The following AZIN2 variants were observed in gnomAD, a reference collection of about 807,000 sequenced individuals.
AZIN2 encodes antizyme inhibitor 2.
AZIN2 carries 28 observed loss-of-function variants against 47.8 expected under a neutral mutation model. The observed-to-expected ratio is 0.59, with a 90% CI of 0.43 to 0.80. The LOEUF (loss-of-function observed/expected upper bound fraction) is 0.80. AZIN2 is among the 30% of genes least tolerant of loss of function. The pLI is 0.00. For synonymous variants in AZIN2, 221 were observed against 239.4 expected, an observed-to-expected ratio of 0.92 and a Z score of 0.71; for missense variants, 535 against 582.5, an observed-to-expected ratio of 0.92 and a Z score of 0.84.
At chr1:33,125,988 GC>G (rs1208572004), downstream of AZIN2, among the ~76,000 whole-genome samples, 1 of 152,140 alleles carries the variant, frequency 6.6e-6, no homozygotes, top group African/African-American at 2.4e-5. Flanking sequence ...ATAGTGAGAT[GC>G]CATCTCTAAA....
intron 5 of AZIN2, among the ~76,000 whole-genome samples, chr1:33,089,979 C>T (rs374680963): frequency 2.0e-5 from 3 of 152,182 alleles, no homozygotes; most frequent in Non-Finnish European, 4.4e-5. Flanking sequence ...CCCTTCTGAG[C>T]ATCAGTTTCC....
chr1:33,093,807 T>G (rs900811174), intron 7 of AZIN2, among the ~76,000 whole-genome samples: 5 of 151,720 alleles, frequency 3.3e-5, no homozygotes, highest in Non-Finnish European at 7.4e-5. Context: ...CATGGTTTTC[T>G]GCAGCCTTGA....
rs1644777763 is a variant in AZIN2 at position 33,120,783 on chromosome 1, T to C, written c.*601T>C. Among the ~76,000 whole-genome samples, 1 of 152,198 alleles carries C rather than the reference T, an allele frequency of 6.6e-6. No individual in the cohort carries two copies. Among genetic ancestry groups the C allele is most frequent in the South Asian group, 2.1e-4 (1 of 4,834 alleles). ...AGTTACGTAGCTCATAACTGGTGAA[T>C]GGCCTTTGGGTCAGCCCAACACCCA... is the stretch of plus-strand genomic sequence containing the variant. On this transcript the variant is annotated 3_prime_UTR_variant, in exon 12 of 12. Coordinates refer to ENST00000294517, the MANE Select transcript of AZIN2 (RefSeq NM_052998.4).
chr1:33,123,983 G>A (rs1644838945), downstream of AZIN2, among the ~76,000 whole-genome samples: 2 of 151,688 alleles, frequency 1.3e-5, no homozygotes, highest in South Asian at 2.1e-4. Flanking sequence ...ATGACAGTGT[G>A]AGACTCCATC....
At chr1:33,124,983 G>A (rs143358562), downstream of AZIN2, among the ~76,000 whole-genome samples, 17 of 152,300 alleles carry the variant, frequency 1.1e-4, no homozygotes, top group East Asian at 3.3e-3. The surrounding 1 kb of genome is among the most constrained non-coding windows in gnomAD (Gnocchi z 4.6). Context: ...ATAAACATAC[G>A]TGTGCATGCA....
the AZIN2 span, among the ~76,000 whole-genome samples, chr1:33,149,942 C>G: frequency 1.3e-5 from 2 of 152,206 alleles, no homozygotes; most frequent in South Asian, 4.1e-4. Flanking sequence ...GAAAGACTCA[C>G]CAAATTAAAC....
At chr1:33,093,961 G>A (rs374791247) in intron 7 of AZIN2, among the ~76,000 whole-genome samples, 4 of 152,032 alleles carry the variant, frequency 2.6e-5, no homozygotes, top group African/African-American at 9.7e-5. Context: ...TCAAAGTCTT[G>A]GGCTCAAGCA....
the AZIN2 span, among the ~76,000 whole-genome samples, chr1:33,160,438 C>T: frequency 6.6e-6 from 1 of 151,892 alleles, no homozygotes; most frequent in East Asian, 1.9e-4. Flanking sequence ...GAGTTTTGCT[C>T]CTGTCACCCA....
intron 10 of AZIN2, among the ~76,000 whole-genome samples, chr1:33,106,988 T>C (rs1402099641): frequency 6.6e-6 from 1 of 152,204 alleles, no homozygotes; most frequent in East Asian, 1.9e-4. Context: ...CATTATCTTA[T>C]ATATAGAAAA....
At chr1:33,142,445 G>C in the AZIN2 span, 1 of 152,264 alleles carries the variant, frequency 6.6e-6, no homozygotes, top group Non-Finnish European at 1.5e-5. Context: ...CAAGCCGTGG[G>C]ACCTAACGTT....
chr1:33,102,098 T>G (rs1347332072), intron 10 of AZIN2, among the ~76,000 whole-genome samples: 1 of 152,212 alleles, frequency 6.6e-6, no homozygotes, highest in Admixed American at 6.5e-5. Flanking sequence ...TTTTCTGAAG[T>G]GTTGTACTGA....
chr1:33,158,959 G>A, the AZIN2 span, among the ~76,000 whole-genome samples: 2 of 151,932 alleles, frequency 1.3e-5, no homozygotes, highest in Non-Finnish European at 2.9e-5. Context: ...TCCTGCCTCA[G>A]CCTCCTGAAT....
chr1:33,134,184 G>A, the AZIN2 span, among the ~76,000 whole-genome samples: 2 of 152,218 alleles, frequency 1.3e-5, no homozygotes, highest in African/African-American at 2.4e-5. Context: ...CCTGGCACGT[G>A]GCAGTCCCTC....
rs148890563 is a variant in AZIN2 at position 33,122,586 on chromosome 1, C to A, written c.*2404C>A. Among the ~76,000 whole-genome samples the A allele has an allele frequency of 8.5e-5, 13 of 152,244 alleles. No individual in the cohort carries two copies. The highest frequency in any genetic ancestry group is 1.9e-4 in the African/African-American group (8 of 41,530). On this transcript the variant is annotated 3_prime_UTR_variant, in exon 12 of 12. Transcript: ENST00000294517. ...TGTGCAGGCGAATCTAAGCAGGGGTCTCCTGGACCCCTGGCTGCATGGGCA... is the reference window on the plus strand; with the variant it reads ...TGTGCAGGCGAATCTAAGCAGGGGTATCCTGGACCCCTGGCTGCATGGGCA...
rs534186305 is a variant in AZIN2, at chr1:33,122,810, ACTCT to A, written c.*2634_*2637del. Among the ~76,000 whole-genome samples the A allele has an allele frequency of 6.6e-6, 1 of 151,122 alleles. No homozygotes were observed. The highest frequency in any genetic ancestry group is 1.5e-5 in the Non-Finnish European group (1 of 67,816). Reference sequence around the variant, plus strand: ...TGAAGCCCCTCCTGCGCGCACACTCACTCTCTCTCATTCTCTCCTTCAAGGAGTT... The same window carrying A: ...TGAAGCCCCTCCTGCGCGCACACTCACTCTCATTCTCTCCTTCAAGGAGTT... On this transcript the variant is annotated 3_prime_UTR_variant, in exon 12 of 12. Transcript: ENST00000294517.
intron 10 of AZIN2, among the ~76,000 whole-genome samples, chr1:33,111,374 A>G (rs1644277331): frequency 6.6e-6 from 1 of 152,120 alleles, no homozygotes; most frequent in East Asian, 1.9e-4. Context: ...TGTAGTTTTG[A>G]TCAAGAATAG....
downstream of AZIN2, among the ~76,000 whole-genome samples, chr1:33,127,004 A>G (rs1644861279): frequency 6.6e-6 from 1 of 152,062 alleles, no homozygotes; most frequent in Non-Finnish European, 1.5e-5. Context: ...CGCTTTCTCC[A>G]TCTGTGGAAT....
intron 10 of AZIN2, among the ~76,000 whole-genome samples, chr1:33,099,056 T>C (rs749958244): frequency 1.3e-5 from 2 of 152,172 alleles, no homozygotes; most frequent in Non-Finnish European, 2.9e-5. Flanking sequence ...CGAGCCACCA[T>C]GCCTGGCCTC....
rs117064966 is a variant in AZIN2 at position 33,120,364 on chromosome 1, C to A, written c.*182C>A. The A allele has an allele frequency of 4.5e-4, 362 of 800,474 alleles. 2 individuals are homozygous for A. The East Asian group carries it at 1.0e-2, about 22-fold the overall frequency. 49.6% of individuals were successfully genotyped at this position (800,474 alleles called of 1,614,324 possible). On this transcript the variant is annotated 3_prime_UTR_variant, in exon 12 of 12. Transcript: ENST00000294517. ...GACCAGTCTTACACTCGCTGTAGTT[C>A]AAGTATGCAACATAAATCCTGTTCC...
Sources: allele counts gnomAD v4.1 joint callset (sites outside exome capture counted in the v4.1 genomes callset), GRCh38; gene constraint gnomAD v4.1.1; non-coding constraint Gnocchi (gnomAD v3.1); transcripts MANE v1.5; gene names NCBI Gene and HGNC (gene_info 2026-07-23, HGNC 2026-07-21).